Variants in TRHDE observed in about 807,000 individuals in gnomAD.
The protein encoded by TRHDE is thyrotropin releasing hormone degrading enzyme.
In TRHDE, 72 loss-of-function variants were observed where a neutral mutation model predicts 125.7. The ratio of observed to expected loss-of-function variants is 0.57; its 90% CI spans 0.47 to 0.70. The LOEUF (loss-of-function observed/expected upper bound fraction) is 0.70. TRHDE is among the 30% of genes least tolerant of loss of function. The probability of loss-of-function intolerance (pLI) is 0.00; values close to 1 mark genes in which losing one functional copy is unlikely to be tolerated. For synonymous variants in TRHDE, 509 were observed against 509.1 expected, an observed-to-expected ratio of 1.00 and a Z score of 0.00; for missense variants, 1,110 against 1,327.1, an observed-to-expected ratio of 0.84 and a Z score of 2.54.
intron 18 of TRHDE, among the ~76,000 whole-genome samples, chr12:72,659,551 T>C (rs1468605973): frequency 6.6e-6 from 1 of 152,200 alleles, no homozygotes; most frequent in East Asian, 1.9e-4. Flanking sequence ...TACATAGTTA[T>C]TAAGAGTATA....
intron 3 of TRHDE, among the ~76,000 whole-genome samples, chr12:72,405,422 T>G (rs528963226): frequency 6.6e-6 from 1 of 152,332 alleles, no homozygotes; most frequent in South Asian, 2.1e-4. Flanking sequence ...GTGATTTGAG[T>G]TATCTGTACA....
intron 2 of TRHDE, among the ~76,000 whole-genome samples, chr12:72,252,876 A>G (rs1185332365): frequency 6.6e-6 from 1 of 152,074 alleles, no homozygotes. Flanking sequence ...TGCCTCATAA[A>G]ACATTAAGTT....
intron 2 of TRHDE, among the ~76,000 whole-genome samples, chr12:72,287,577 GACACACACACAC>G (rs10606890): frequency 6.8e-6 from 1 of 147,706 alleles, no homozygotes; most frequent in East Asian, 2.0e-4. Flanking sequence ...TCTATGTATA[GACACACACACAC>G]ACACACACAC....
intron 1 of TRHDE, among the ~76,000 whole-genome samples, chr12:72,098,182 C>T (rs906182342): frequency 6.6e-6 from 1 of 152,098 alleles, no homozygotes; most frequent in Admixed American, 6.5e-5. Flanking sequence ...TGTGCTCAGC[C>T]TACATTACTT....
chr12:72,131,224 A>G (rs1357579927), intron 2 of TRHDE, among the ~76,000 whole-genome samples: 3 of 151,484 alleles, frequency 2.0e-5, no homozygotes, highest in Non-Finnish European at 4.4e-5. Context: ...GGCGCCCGCC[A>G]CCACGCCCGG....
At chr12:72,278,330 T>A (rs1393917603) in intron 1 of TRHDE, among the ~76,000 whole-genome samples, 1 of 152,148 alleles carries the variant, frequency 6.6e-6, no homozygotes, top group Non-Finnish European at 1.5e-5. Context: ...TCTTTATCCA[T>A]CCATTCATTG....
chr12:72,614,331 T>TATATATATATATATA (rs1448155527), intron 12 of TRHDE, among the ~76,000 whole-genome samples: 39 of 48,576 alleles, frequency 8.0e-4, no homozygotes, highest in Admixed American at 4.5e-3. Flanking sequence ...TATATATATA[T>TATATATATATATATA]TTTTTTTTTC....
At position 72,600,683 on chromosome 12, in the gene TRHDE, T is replaced by G. The variant is rs567937119; in HGVS notation, c.2322-18208T>G. ...TTGAAGCTAATGCTCATTTACCATTTTGAAAATTCTAGGACTCTTCAGAAT... is the reference window on the plus strand; with the variant it reads ...TTGAAGCTAATGCTCATTTACCATTGTGAAAATTCTAGGACTCTTCAGAAT... On this transcript the variant is annotated intron_variant, in intron 12 of 18. Coordinates refer to ENST00000261180, the MANE Select transcript of TRHDE (RefSeq NM_013381.3). Among the ~76,000 whole-genome samples the G allele has an allele frequency of 1.1e-3, 173 of 152,204 alleles. No homozygotes were observed. In the Middle Eastern group the frequency reaches 0.014, roughly 12 times the overall value.
chr12:72,201,156 A>G (rs895795229), intron 2 of TRHDE, among the ~76,000 whole-genome samples: 3 of 152,132 alleles, frequency 2.0e-5, no homozygotes, highest in Non-Finnish European at 2.9e-5. Context: ...AAGAGATGCA[A>G]TTGAAGTAGG....
chr12:72,353,072 T>A (rs1870656343), intron 2 of TRHDE, among the ~76,000 whole-genome samples: 2 of 151,588 alleles, frequency 1.3e-5, no homozygotes, highest in South Asian at 4.2e-4. Flanking sequence ...GACTTGTTTT[T>A]CCCCCACACT....
chr12:72,204,273 T>G (rs1331602140), intron 2 of TRHDE, among the ~76,000 whole-genome samples: 1 of 152,158 alleles, frequency 6.6e-6, no homozygotes, highest in African/African-American at 2.4e-5. Flanking sequence ...TTTGATACTC[T>G]CGTCCACATT....
chr12:72,244,991 G>A (rs1228759865), intron 2 of TRHDE, among the ~76,000 whole-genome samples: 2 of 152,112 alleles, frequency 1.3e-5, no homozygotes, highest in Non-Finnish European at 2.9e-5. Flanking sequence ...TGAAAGGCAT[G>A]TGAATAATTT....
chr12:72,638,259 T>C (rs1873857488), intron 15 of TRHDE, among the ~76,000 whole-genome samples: 1 of 150,582 alleles, frequency 6.6e-6, no homozygotes, highest in Admixed American at 6.6e-5. Context: ...CATTATGTAA[T>C]GGCCTTCTTT....
At chr12:72,565,779 A>G (rs992168680) in intron 9 of TRHDE, among the ~76,000 whole-genome samples, 1 of 152,130 alleles carries the variant, frequency 6.6e-6, no homozygotes, top group African/African-American at 2.4e-5. Flanking sequence ...TAATATAATC[A>G]TTAGAATAAA....
intron 3 of TRHDE, among the ~76,000 whole-genome samples, chr12:72,382,682 G>A (rs1247902954): frequency 6.6e-6 from 1 of 152,206 alleles, no homozygotes; most frequent in Non-Finnish European, 1.5e-5. Flanking sequence ...ATGTTTGTAT[G>A]TGTGAATTTC....
chr12:72,418,740 T>A (rs1873832395), intron 3 of TRHDE, among the ~76,000 whole-genome samples: 1 of 152,142 alleles, frequency 6.6e-6, no homozygotes, highest in Non-Finnish European at 1.5e-5. Context: ...AACATTATTG[T>A]CCCAGTATTT....
chr12:72,566,352 TTTG>T (rs1870442422), intron 9 of TRHDE, among the ~76,000 whole-genome samples: 1 of 151,736 alleles, frequency 6.6e-6, no homozygotes, highest in South Asian at 2.1e-4. Flanking sequence ...TGCCTCAAAG[TTTG>T]TATCCCCAAA....
chr12:72,442,782 C>T (rs930864821), intron 3 of TRHDE, among the ~76,000 whole-genome samples: 3 of 151,748 alleles, frequency 2.0e-5, no homozygotes, highest in Admixed American at 1.3e-4. Context: ...AAGTCATAAA[C>T]AATAAGGAGA....
chr12:72,207,684 C>A (rs575257089), intron 2 of TRHDE, among the ~76,000 whole-genome samples: 6 of 152,274 alleles, frequency 3.9e-5, no homozygotes, highest in African/African-American at 1.4e-4. Flanking sequence ...TGTTGCATTG[C>A]ACTTACTCTT....
Sources: allele counts gnomAD v4.1 joint callset (sites outside exome capture counted in the v4.1 genomes callset), GRCh38; gene constraint gnomAD v4.1.1; transcripts MANE v1.5; gene names NCBI Gene and HGNC (gene_info 2026-07-23, HGNC 2026-07-21).